The following NEK5 variants were observed in gnomAD, a reference collection of about 807,000 sequenced individuals.
NEK5 encodes the protein serine/threonine-protein kinase Nek5.
Under a neutral mutation model 109.2 loss-of-function variants are expected in NEK5, and 88 were observed. That is an observed-to-expected ratio of 0.81 (90% CI 0.68 to 0.96). The LOEUF is 0.96. Ranked by LOEUF, NEK5 falls within the 40% of genes least tolerant of loss-of-function variation. The pLI is 0.00. For missense variants in NEK5, 834 were observed against 920.7 expected, an observed-to-expected ratio of 0.91 and a Z score of 1.22; for synonymous variants, 283 against 299.9, an observed-to-expected ratio of 0.94 and a Z score of 0.58.
chr13:52,050,274 G>T, intron 22 of NEK5, 53 bp from the exon 23 acceptor site: 1 of 589,166 alleles, frequency 1.7e-6, no homozygotes, highest in Non-Finnish European at 2.1e-6. Flanking sequence ...TATACCCAAT[G>T]AGGGGCATAT....
chr13:52,073,706 T>C (rs1257433966), intron 19 of NEK5, among the ~76,000 whole-genome samples: 1 of 152,184 alleles, frequency 6.6e-6, no homozygotes, highest in East Asian at 1.9e-4. Context: ...TTCACGCTTA[T>C]GATACTATAG....
At chr13:52,049,009 A>T (rs1954480555) in intron 23 of NEK5, among the ~76,000 whole-genome samples, 1 of 152,234 alleles carries the variant, frequency 6.6e-6, no homozygotes, top group African/African-American at 2.4e-5. Flanking sequence ...AATGATAAGC[A>T]TGTGACGTAA....
chr13:52,065,301 A>G (rs1954668764), intron 21 of NEK5, 183 bp downstream of exon 21: 1 of 848,384 alleles, frequency 1.2e-6, no homozygotes, highest in Non-Finnish European at 2.0e-6. Context: ...TCATTTGTCC[A>G]GGATAATTAG....
chr13:52,088,062 G>A (rs903924285), intron 14 of NEK5, among the ~76,000 whole-genome samples: 2 of 151,862 alleles, frequency 1.3e-5, no homozygotes, highest in South Asian at 2.1e-4. Context: ...TCAGTAGCTG[G>A]GACTACAGGC....
intron 7 of NEK5, among the ~76,000 whole-genome samples, chr13:52,109,871 G>A (rs571223544): frequency 1.3e-5 from 2 of 152,178 alleles, no homozygotes; most frequent in East Asian, 3.9e-4. Flanking sequence ...ACATCTAATT[G>A]ATGTCTTGCA....
At chr13:52,087,986 G>A (rs551371403) in intron 14 of NEK5, among the ~76,000 whole-genome samples, 3 of 148,558 alleles carry the variant, frequency 2.0e-5, no homozygotes, top group African/African-American at 7.5e-5. Flanking sequence ...GGAGTACAGT[G>A]GCGCAATCTT....
intron 4 of NEK5, among the ~76,000 whole-genome samples, chr13:52,114,613 C>T (rs923388013): frequency 2.0e-5 from 3 of 152,154 alleles, no homozygotes; most frequent in African/African-American, 7.2e-5. Context: ...GTTAAGGAGG[C>T]GAAGTCTAGT....
rs1020688512 is a variant in NEK5 at position 52,061,832 on chromosome 13, G to A, written c.2097C>T (p.Ala699=). 19 of 985,458 alleles carry A rather than the reference G, an allele frequency of 1.9e-5. No homozygotes were observed. The highest frequency in any genetic ancestry group is 1.7e-4 in the African/African-American group (10 of 57,186). The allele number at this position is 985,458 out of a possible 1,614,324, so 61.0% of individuals were successfully genotyped here. The change falls in exon 22 of 24, where the codon GCC becomes GCT. Residue 699 remains alanine, a synonymous_variant. Coordinates refer to ENST00000684899, the MANE Select transcript of NEK5 (RefSeq NM_001365552.1). The part of the protein sequence containing the change: ...AAHLTSSSFS[A]DEEFAMGTLK... ...TAAACTACATACCAAATTCTTCATCGGCAGAAAATGAGCTACTCGTTAGAT... is the reference window on the plus strand; with the variant it reads ...TAAACTACATACCAAATTCTTCATCAGCAGAAAATGAGCTACTCGTTAGAT...
chr13:52,106,753 C>T lies in NEK5; in HGVS notation c.554+1565G>A, dbSNP rs538131258. 7.3e-5 allele frequency among the ~76,000 whole-genome samples: 11 copies of T among 151,638 alleles called. No homozygotes were observed. In the East Asian group the frequency reaches 1.9e-3, roughly 27 times the overall value. ...CTGCACTCCAGCCTGGATGACAGAG[C>T]CAGACTCCATCTCAAAAAAAAAAAA... On this transcript the variant is annotated intron_variant, in intron 8 of 23. Transcript: ENST00000684899.
At chr13:52,127,106 A>C (rs1956078257) in intron 3 of NEK5, among the ~76,000 whole-genome samples, 1 of 152,050 alleles carries the variant, frequency 6.6e-6, no homozygotes, top group African/African-American at 2.4e-5. Flanking sequence ...GCTATCTCGA[A>C]CTCCTGGCTT....
chr13:52,056,050 C>A (rs1954551910), intron 22 of NEK5, among the ~76,000 whole-genome samples: 1 of 152,110 alleles, frequency 6.6e-6, no homozygotes, highest in Admixed American at 6.5e-5. Flanking sequence ...ATTCAGGAAA[C>A]CCATCTCACA....
chr13:52,094,001 C>T lies in NEK5; in HGVS notation c.1027-766G>A, dbSNP rs1955351468. On this transcript the variant is annotated intron_variant, in intron 12 of 23. Coordinates refer to ENST00000684899, the MANE Select transcript of NEK5 (RefSeq NM_001365552.1). ...GACTAAATGCAAAATGGCATCATGA[C>T]TTAAAGGAAAGAAGATGCTGAATCA... Among the ~76,000 whole-genome samples, 4 of 152,120 alleles carry T rather than the reference C, an allele frequency of 2.6e-5. No individual in the cohort carries two copies. In the South Asian group the frequency reaches 8.3e-4, roughly 31 times the overall value.
At chr13:52,102,877 T>G (rs1955570287) in intron 9 of NEK5, among the ~76,000 whole-genome samples, 1 of 152,188 alleles carries the variant, frequency 6.6e-6, no homozygotes, top group Admixed American at 6.6e-5. Context: ...CTGGAAGGTA[T>G]AGGAAGTTAT....
intron 17 of NEK5, among the ~76,000 whole-genome samples, chr13:52,081,525 G>A (rs1415069907): frequency 6.6e-6 from 1 of 152,112 alleles, no homozygotes; most frequent in East Asian, 1.9e-4. Flanking sequence ...TGATTAGAGT[G>A]CTGACAGAAC....
At position 52,110,413 on chromosome 13, in the gene NEK5, A is replaced by G. The variant is rs766171957; in HGVS notation, c.397-3T>C. 49 of 1,612,708 alleles carry G rather than the reference A, an allele frequency of 3.0e-5. 1 individual carries two copies. Among genetic ancestry groups the G allele is most frequent in the South Asian group, 1.1e-4 (10 of 91,062 alleles). ...CCGTTCTTGCTAAGAAAAATGTTCT[A>G]TAAATGGAGAAAATGTCATGTTGTT... On this transcript the variant is annotated splice_polypyrimidine_tract_variant and splice_region_variant and intron_variant, in intron 6 of 23. Coordinates refer to ENST00000684899, the MANE Select transcript of NEK5 (RefSeq NM_001365552.1).
chr13:52,068,726 T>C (rs899056805), intron 20 of NEK5, among the ~76,000 whole-genome samples: 6 of 152,266 alleles, frequency 3.9e-5, no homozygotes, highest in Admixed American at 2.0e-4. Context: ...CCCAGCACTT[T>C]GGGAGGCCAA....
At chr13:52,052,170 G>A (rs2042792222) in intron 22 of NEK5, among the ~76,000 whole-genome samples, 1 of 132,708 alleles carries the variant, frequency 7.5e-6, no homozygotes, top group African/African-American at 2.8e-5. Flanking sequence ...CATAGTAATT[G>A]ATTTCTCATG....
chr13:52,122,660 A>G (rs1412730138), intron 3 of NEK5, among the ~76,000 whole-genome samples: 1 of 152,078 alleles, frequency 6.6e-6, no homozygotes, highest in African/African-American at 2.4e-5. Flanking sequence ...CCAGCTACTC[A>G]GGAGGCTGAG....
In NEK5 at chr13:52,050,192, T is replaced by C. The variant is rs1954492117; in HGVS notation, c.2140A>G (p.Lys714Glu). ...TCTACCTTCCCTTCATCTTCTTCTT[T>C]GGGTAGCCATTGTTTTAATGTTCCC... is the stretch of plus-strand genomic sequence containing the variant. ...AMGTLKQWLP[K>E]EEDEGKVEMV... The change falls in exon 23 of 24, where the codon AAA becomes GAA. Residue 714 changes from lysine to glutamate, a missense_variant. Transcript: ENST00000684899. 1.0e-6 allele frequency: 1 copy of C among 985,480 alleles called. No homozygotes were observed. The highest frequency in any genetic ancestry group is 1.2e-6 in the Non-Finnish European group (1 of 829,678). 61.0% of individuals were successfully genotyped at this position (985,480 alleles called of 1,614,324 possible). A position where few individuals can be genotyped will look rare whatever the true frequency, so the allele number is the denominator to read the frequency against.
Sources: gnomAD v4.1 joint callset for allele counts (sites outside exome capture counted in the v4.1 genomes callset) on GRCh38, gnomAD v4.1.1 for gene constraint, MANE v1.5 for transcripts, NCBI Gene and HGNC (gene_info 2026-07-23, HGNC 2026-07-21) for gene names.